The following ANKS1B variants were observed in gnomAD, a reference collection of about 807,000 sequenced individuals.
The protein encoded by ANKS1B is ankyrin repeat and sterile alpha motif domain-containing protein 1B.
Under a neutral mutation model 148.3 loss-of-function variants are expected in ANKS1B, and 36 were observed. The observed-to-expected ratio is 0.24, with a 90% CI of 0.19 to 0.32. The LOEUF is 0.32. ANKS1B is among the 10% of genes least tolerant of loss of function. ANKS1B has a pLI of 1.00. For missense variants in ANKS1B, 1,157 were observed against 1,542.6 expected (o/e 0.75, Z 4.19); for synonymous variants, 542 against 560.8 (o/e 0.97, Z 0.47).
chr12:99,106,334 C>T (rs2059212967), intron 15 of ANKS1B, among the ~76,000 whole-genome samples: 1 of 152,218 alleles, frequency 6.6e-6, no homozygotes. Flanking sequence ...GTTCTCATAG[C>T]TGAGATGCTG....
chr12:99,093,309 G>A (rs928590479), intron 15 of ANKS1B: 1 of 152,186 alleles, frequency 6.6e-6, no homozygotes, highest in African/African-American at 2.4e-5. Flanking sequence ...GTGACCCAAG[G>A]TGTTTGTGGC....
chr12:99,500,050 G>A (rs2096640676), intron 10 of ANKS1B, among the ~76,000 whole-genome samples: 2 of 152,102 alleles, frequency 1.3e-5, no homozygotes, highest in African/African-American at 4.8e-5. Flanking sequence ...AAAGCTTAAA[G>A]GAAAGAAAAC....
At chr12:99,447,665 C>CAATTT (rs2095657705) in intron 10 of ANKS1B, among the ~76,000 whole-genome samples, 1 of 151,912 alleles carries the variant, frequency 6.6e-6, no homozygotes, top group Admixed American at 6.6e-5. Context: ...AGTGAAGAAA[C>CAATTT]AATTTATGAA....
chr12:99,313,893 A>G (rs546908750), intron 12 of ANKS1B, among the ~76,000 whole-genome samples: 22 of 152,300 alleles, frequency 1.4e-4, no homozygotes, highest in African/African-American at 4.3e-4. Context: ...CTCCTATTCA[A>G]CATAGTATTG....
chr12:99,806,843 A>T (rs191702640), intron 3 of ANKS1B, 143 bp from the exon 4 acceptor site: 1 of 883,162 alleles, frequency 1.1e-6, no homozygotes. Flanking sequence ...ATGGAATTTT[A>T]TATTTGATAA....
At chr12:99,880,133 A>G (rs1035445283) in intron 1 of ANKS1B, among the ~76,000 whole-genome samples, 1 of 152,240 alleles carries the variant, frequency 6.6e-6, no homozygotes, top group African/African-American at 2.4e-5. Context: ...TGCCTGGCAC[A>G]CAAGTATTCA....
chr12:99,885,869 C>A lies in ANKS1B; in HGVS notation c.135-60480G>T, dbSNP rs541352563. Among the ~76,000 whole-genome samples, 5 of 152,262 alleles carry A rather than the reference C, an allele frequency of 3.3e-5. No homozygotes were observed. In the South Asian group the frequency reaches 1.0e-3, roughly 32 times the overall value. ...AACATATGGTATTTGGTTTTCCATT[C>A]CTGTGTTACTTCACTTAGAATAATG... is the stretch of plus-strand genomic sequence containing the variant. On this transcript the variant is annotated intron_variant, in intron 1 of 26. Coordinates refer to ENST00000683438, the MANE Select transcript of ANKS1B (RefSeq NM_001352186.2).
intron 17 of ANKS1B, among the ~76,000 whole-genome samples, chr12:98,950,791 G>A (rs1476995047): frequency 1.3e-5 from 2 of 151,970 alleles, no homozygotes; most frequent in African/African-American, 2.4e-5. Context: ...TAATAAACAG[G>A]GTGTTGCTCT....
At position 99,364,054 on chromosome 12, in the gene ANKS1B, G is replaced by A. The variant is rs1255231826; in HGVS notation, c.1756+35577C>T. On this transcript the variant is annotated intron_variant, in intron 12 of 26. Transcript: ENST00000683438. ...AAATGAATATCTCTCCCACTTACAT[G>A]TAAATTGACTTCTGTCTCCAAGAAT... 3.9e-5 allele frequency among the ~76,000 whole-genome samples: 6 copies of A among 152,200 alleles called. 1 individual carries two copies. In the East Asian group the frequency reaches 9.7e-4, roughly 25 times the overall value.
intron 1 of ANKS1B, among the ~76,000 whole-genome samples, chr12:99,932,393 A>G (rs1460507780): frequency 6.6e-6 from 1 of 152,196 alleles, no homozygotes; most frequent in Non-Finnish European, 1.5e-5. Flanking sequence ...TCCCACCAAC[A>G]GCATACAAAT....
chr12:99,921,989 A>C (rs2094367852), intron 1 of ANKS1B, among the ~76,000 whole-genome samples: 1 of 152,310 alleles, frequency 6.6e-6, no homozygotes, highest in African/African-American at 2.4e-5. Flanking sequence ...CCTAGAGTCA[A>C]GTTACCTGGG....
chr12:99,190,568 G>A (rs548438459), intron 14 of ANKS1B, among the ~76,000 whole-genome samples: 23 of 152,052 alleles, frequency 1.5e-4, no homozygotes, highest in Admixed American at 1.4e-3. Flanking sequence ...TCTCTGACAA[G>A]CCTGACAAAA....
chr12:98,906,660 T>C (rs938331901), intron 17 of ANKS1B, among the ~76,000 whole-genome samples: 2 of 152,200 alleles, frequency 1.3e-5, no homozygotes, highest in African/African-American at 2.4e-5. Flanking sequence ...TTCTCCCTGA[T>C]TGAAAAACAA....
At chr12:99,813,829 T>C (rs1013703127) in intron 2 of ANKS1B, among the ~76,000 whole-genome samples, 7 of 151,790 alleles carry the variant, frequency 4.6e-5, no homozygotes, top group African/African-American at 1.7e-4. Context: ...AATCTGAATT[T>C]AGAAGACTTG....
chr12:99,648,043 C>CA (rs35601898), intron 9 of ANKS1B: 1 of 1,306,884 alleles, frequency 7.7e-7, no homozygotes, highest in Non-Finnish European at 1.0e-6. Context: ...CACTTGGGGA[C>CA]AAAAAAGAAA....
chr12:98,923,239 C>G (rs944497693), intron 17 of ANKS1B, among the ~76,000 whole-genome samples: 2 of 152,152 alleles, frequency 1.3e-5, no homozygotes, highest in African/African-American at 4.8e-5. Context: ...CCTGTGATCT[C>G]TGCACACTTT....
chr12:99,914,342 G>A (rs983222724), intron 1 of ANKS1B, among the ~76,000 whole-genome samples: 8 of 152,108 alleles, frequency 5.3e-5, no homozygotes, highest in Non-Finnish European at 1.2e-4. Context: ...TTTTAACTGA[G>A]GTGGACTGTA....
chr12:99,137,465 G>A (rs2068525336), intron 15 of ANKS1B, among the ~76,000 whole-genome samples: 1 of 152,160 alleles, frequency 6.6e-6, no homozygotes, highest in Admixed American at 6.5e-5. Flanking sequence ...ACTAAACAGG[G>A]CTGAGGGTGT....
intron 25 of ANKS1B, among the ~76,000 whole-genome samples, chr12:98,769,548 T>A (rs2098540899): frequency 6.6e-6 from 1 of 152,218 alleles, no homozygotes; most frequent in Non-Finnish European, 1.5e-5. Flanking sequence ...ATTCTCTACA[T>A]GTTTTTCTAA....
Sources: gnomAD v4.1 joint callset for allele counts (sites outside exome capture counted in the v4.1 genomes callset) on GRCh38, gnomAD v4.1.1 for gene constraint, MANE v1.5 for transcripts, NCBI Gene and HGNC (gene_info 2026-07-23, HGNC 2026-07-21) for gene names.